LIPA: variants seen among roughly 807,000 people sequenced by gnomAD.
The protein encoded by LIPA is lysosomal acid lipase/cholesteryl ester hydrolase.
In LIPA, 26 loss-of-function variants were observed where a neutral mutation model predicts 40.6. That is an observed-to-expected ratio of 0.64 (90% CI 0.47 to 0.89). The LOEUF is 0.89. LIPA is among the 40% of genes least tolerant of loss of function. The probability of loss-of-function intolerance (pLI) is 0.00; values close to 1 mark genes in which losing one functional copy is unlikely to be tolerated. For synonymous variants in LIPA, 188 were observed against 168.4 expected (o/e 1.12, Z -0.90); for missense variants, 455 against 479.6 (o/e 0.95, Z 0.48).
intron 2 of LIPA, chr10:89,403,937 G>C (rs902483229): frequency 2.3e-5 from 9 of 397,562 alleles, no homozygotes; most frequent in Non-Finnish European, 4.0e-5. Context: ...ATGTAGTAGA[G>C]AAAAAATGTT....
chr10:89,405,028 CT>C (rs1162939353), intron 2 of LIPA: 1 of 152,114 alleles, frequency 6.6e-6, no homozygotes, highest in Non-Finnish European at 1.5e-5. Flanking sequence ...CAATAAATAG[CT>C]TTCAGTGCAA....
intron 1 of LIPA, among the ~76,000 whole-genome samples, chr10:89,297,943 C>A (rs974991673): frequency 6.6e-6 from 1 of 152,204 alleles, no homozygotes; most frequent in Admixed American, 6.5e-5. Flanking sequence ...TAAAGAACAG[C>A]GTCTCTCCTC....
intron 1 of LIPA, among the ~76,000 whole-genome samples, chr10:89,321,576 C>A (rs550733710): frequency 6.6e-6 from 1 of 152,268 alleles, no homozygotes; most frequent in South Asian, 2.1e-4. Context: ...ACAACAGGTG[C>A]TAGAGAGGAT....
At chr10:89,345,775 G>A (rs1843915851), upstream of LIPA, among the ~76,000 whole-genome samples, 1 of 152,212 alleles carries the variant, frequency 6.6e-6, no homozygotes, top group African/African-American at 2.4e-5. Flanking sequence ...CAGTGAGATG[G>A]AAAATCAACA....
intron 3 of LIPA, among the ~76,000 whole-genome samples, chr10:89,234,833 C>T (rs772515006): frequency 6.6e-6 from 1 of 152,228 alleles, no homozygotes; most frequent in African/African-American, 2.4e-5. Flanking sequence ...GCCGATTGCA[C>T]GCTTGTATGC....
intron 3 of LIPA, among the ~76,000 whole-genome samples, chr10:89,243,418 C>A (rs1842986524): frequency 6.6e-6 from 1 of 152,122 alleles, no homozygotes; most frequent in Admixed American, 6.5e-5. Context: ...ACAGGGAGGG[C>A]CTCTCAGAAT....
At chr10:89,293,230 G>C (rs1412663365) in intron 1 of LIPA, among the ~76,000 whole-genome samples, 3 of 152,158 alleles carry the variant, frequency 2.0e-5, no homozygotes, top group Admixed American at 6.5e-5. Flanking sequence ...AAGGTGCCTT[G>C]CTTCCCCTTT....
At chr10:89,350,679 G>A (rs1198610806) in intron 2 of LIPA, among the ~76,000 whole-genome samples, 2 of 152,084 alleles carry the variant, frequency 1.3e-5, no homozygotes, top group Admixed American at 1.3e-4. Flanking sequence ...CTACAGAAGA[G>A]AGAAACAAAG....
chr10:89,233,574 G>C (rs1157867965), intron 3 of LIPA, among the ~76,000 whole-genome samples: 1 of 152,224 alleles, frequency 6.6e-6, no homozygotes, highest in East Asian at 1.9e-4. Flanking sequence ...CTATTAGGTT[G>C]TTGCAAAAGT....
intron 2 of LIPA, among the ~76,000 whole-genome samples, chr10:89,353,328 T>C (rs1843969969): frequency 6.6e-6 from 1 of 152,126 alleles, no homozygotes; most frequent in Admixed American, 6.5e-5. Context: ...TCTAGAACAC[T>C]TGACTGGTAG....
chr10:89,402,938 T>G, intron 2 of LIPA: 1 of 1,614,170 alleles, frequency 6.2e-7, no homozygotes, highest in Non-Finnish European at 8.5e-7. Context: ...ATATTAAGGT[T>G]CTCCTTGCCC....
Position 89,214,896 on chromosome 10 carries a change from T to G in LIPA, c.1132A>C (p.Ile378Leu). 1 of 1,614,076 alleles carries G rather than the reference T, an allele frequency of 6.2e-7. No homozygotes were observed. The highest frequency in any genetic ancestry group is 8.5e-7 in the Non-Finnish European group (1 of 1,179,948). Reference sequence around the variant, plus strand: ...CTCCAAGGGGCATCCAGGCCCCAAATGAAGTCAAGATGCTCCCATTCCGGA... The same window carrying G: ...CTCCAAGGGGCATCCAGGCCCCAAAGGAAGTCAAGATGCTCCCATTCCGGA... ...SIPEWEHLDF[I>L]WGLDAPWRLY... is the part of the protein sequence containing the mutation. Residue 378 changes from isoleucine (I) to leucine (L), a missense_variant, in exon 10 of 10, where the codon ATT becomes CTT. Ile to Leu is a conservative substitution (Grantham distance 5). Coordinates refer to ENST00000336233, the MANE Select transcript of LIPA (RefSeq NM_000235.4).
At chr10:89,238,262 G>C (rs929680820) in intron 3 of LIPA, among the ~76,000 whole-genome samples, 1 of 152,192 alleles carries the variant, frequency 6.6e-6, no homozygotes, top group African/African-American at 2.4e-5. Context: ...ATTAACAGAA[G>C]ATGATTTGAT....
rs959276028 is a variant in LIPA at position 89,332,699 on chromosome 10, G to A, written c.-2+9912C>T. On this transcript the variant is annotated intron_variant, in intron 1 of 5. Coordinates refer to the LIPA transcript ENST00000282673. ...CAACTTCCTGACTTATGCTATTTCA[G>A]TGTTTGCTTAGAGATGAAATATGCA... is the stretch of plus-strand genomic sequence containing the variant. 4 of 1,467,312 alleles carry A rather than the reference G, an allele frequency of 2.7e-6. No homozygotes were observed. The African/African-American group carries it at 4.2e-5, about 15-fold the overall frequency. The allele number at this position is 1,467,312 out of a possible 1,614,324, so 90.9% of individuals were successfully genotyped here. A position where few individuals can be genotyped will look rare whatever the true frequency, so the allele number is the denominator to read the frequency against.
chr10:89,221,286 C>T (rs1222991138), intron 8 of LIPA, among the ~76,000 whole-genome samples: 2 of 151,832 alleles, frequency 1.3e-5, no homozygotes, highest in African/African-American at 4.8e-5. Context: ...AGCTGGGAGG[C>T]GGAGGTTGCA....
intron 7 of LIPA, 52 bp from the exon 8 acceptor site, chr10:89,222,634 T>A: frequency 1.8e-6 from 2 of 1,137,626 alleles, no homozygotes; most frequent in East Asian, 4.7e-5. Context: ...TAAGGTGGCA[T>A]TGATAATAAA....
chr10:89,250,591 G>A (rs1408500643), intron 1 of LIPA, among the ~76,000 whole-genome samples: 1 of 152,168 alleles, frequency 6.6e-6, no homozygotes, highest in East Asian at 1.9e-4. Flanking sequence ...AATTGAAAGG[G>A]AAAAAATTAA....
At chr10:89,334,654 G>C (rs998982468) in intron 1 of LIPA, among the ~76,000 whole-genome samples, 8 of 151,322 alleles carry the variant, frequency 5.3e-5, no homozygotes, top group Non-Finnish European at 1.0e-4. Flanking sequence ...CACCACGCCC[G>C]GCTAATTTTT....
At chr10:89,255,979 T>C (rs2183933), upstream of LIPA, among the ~76,000 whole-genome samples, 115,779 of 152,224 alleles carry the variant, frequency 0.76, 45,087 homozygotes, top group East Asian at 0.98. Flanking sequence ...GGAAGTGTCA[T>C]ACCATAGACC....
Sources: gnomAD v4.1 joint callset for allele counts (sites outside exome capture counted in the v4.1 genomes callset) on GRCh38, gnomAD v4.1.1 for gene constraint, MANE v1.5 for transcripts, NCBI Gene and HGNC (gene_info 2026-07-23, HGNC 2026-07-21) for gene names.